FOXO3: variants seen among roughly 807,000 people sequenced by gnomAD.
FOXO3 encodes the protein forkhead box O3.
A neutral mutation model predicts 41.9 loss-of-function variants in FOXO3; 4 were observed. The ratio of observed to expected loss-of-function variants is 0.10; its 90% CI spans 0.05 to 0.22. FOXO3 has a LOEUF of 0.22. Among genes scored for constraint, FOXO3 ranks in the 10% least tolerant of loss-of-function variants. The probability of loss-of-function intolerance (pLI) is 1.00; values close to 1 mark genes in which losing one functional copy is unlikely to be tolerated. For missense variants in FOXO3, 534 were observed against 906.8 expected (o/e 0.59, Z 5.28); for synonymous variants, 318 against 389.3 (o/e 0.82, Z 2.16).
intron 1 of FOXO3, among the ~76,000 whole-genome samples, chr6:108,624,778 AT>A (rs538678670): frequency 5.7e-4 from 87 of 151,890 alleles, no homozygotes; most frequent in African/African-American, 2.0e-3. Flanking sequence ...ATACATATAA[AT>A]TTTTTTTGCA....
At chr6:108,580,362 G>C (rs949542425) in intron 1 of FOXO3, among the ~76,000 whole-genome samples, 3 of 151,798 alleles carry the variant, frequency 2.0e-5, no homozygotes, top group African/African-American at 7.3e-5. Context: ...CTAATTAGTA[G>C]AGGCGGGGTT....
Position 108,663,968 on chromosome 6 carries a change from A to G in FOXO3, c.1135A>G (p.Asn379Asp), listed in dbSNP as rs1207783083. Residue 379 changes from asparagine to aspartate, a missense_variant, in exon 2 of 3, where the codon AAT (asparagine) becomes GAT (aspartate). Asn to Asp is a conservative substitution (Grantham distance 23). Transcript: ENST00000406360. ...TGATATGGCAGGCACCATGAATCTGAATGATGGGCTGACTGAAAACCTCAT... is the reference window on the plus strand; with the variant it reads ...TGATATGGCAGGCACCATGAATCTGGATGATGGGCTGACTGAAAACCTCAT... ...LTDMAGTMNLNDGLTENLMDD... is the reference protein window; with the variant it reads ...LTDMAGTMNLDDGLTENLMDD... The G allele has an allele frequency of 6.2e-7, 1 of 1,614,034 alleles. No homozygotes were observed. Among genetic ancestry groups the G allele is most frequent in the African/African-American group, 1.3e-5 (1 of 74,918 alleles).
chr6:108,630,698 C>T (rs1035643037), intron 1 of FOXO3, among the ~76,000 whole-genome samples: 11 of 152,076 alleles, frequency 7.2e-5, no homozygotes, highest in African/African-American at 2.7e-4. Context: ...TGTCTCAACT[C>T]GTGCATAAGT....
At chr6:108,605,861 T>C (rs1403176519) in intron 1 of FOXO3, among the ~76,000 whole-genome samples, 1 of 152,194 alleles carries the variant, frequency 6.6e-6, no homozygotes, top group African/African-American at 2.4e-5. Context: ...AAAATTAGGT[T>C]GAAGGGAGAA....
At chr6:108,576,919 CAAGAAGGAA>C (rs1348687276) in intron 1 of FOXO3, among the ~76,000 whole-genome samples, 1 of 152,024 alleles carries the variant, frequency 6.6e-6, no homozygotes, top group Non-Finnish European at 1.5e-5. Context: ...CTGTGCTGGC[CAAGAAGGAA>C]GAGAAGAAAA....
intron 1 of FOXO3, among the ~76,000 whole-genome samples, chr6:108,654,828 G>A (rs1778641930): frequency 6.6e-6 from 1 of 151,028 alleles, no homozygotes; most frequent in Non-Finnish European, 1.5e-5. Context: ...CAGGTTGTTT[G>A]TGCAATCTTT....
intron 1 of FOXO3, among the ~76,000 whole-genome samples, chr6:108,576,634 C>G (rs1057264791): frequency 2.6e-5 from 4 of 152,144 alleles, no homozygotes; most frequent in African/African-American, 9.7e-5. Flanking sequence ...TCTAAGTTTT[C>G]TCATCAGCCA....
At chr6:108,600,027 T>C (rs1045724246) in intron 1 of FOXO3, among the ~76,000 whole-genome samples, 4 of 152,122 alleles carry the variant, frequency 2.6e-5, no homozygotes, top group Non-Finnish European at 5.9e-5. Flanking sequence ...TTTTTTTATA[T>C]GTATAAGGAG....
rs946896846 is a variant in FOXO3 at position 108,684,321 on chromosome 6, CTTTT to C, written c.*4533_*4536del. ...GTGCATTTTGGCTTCACATGTTTAA[CTTTT>C]TTTAAGAAAAAAGTTGCATGAATGG... On this transcript the variant is annotated 3_prime_UTR_variant, in exon 3 of 3. Coordinates refer to ENST00000406360, the MANE Select transcript of FOXO3 (RefSeq NM_001455.4). 2.0e-5 allele frequency: 3 copies of C among 152,204 alleles called. No individual in the cohort carries two copies. The highest frequency in any genetic ancestry group is 4.4e-5 in the Non-Finnish European group (3 of 67,994). The allele number at this position is 152,204 out of a possible 1,614,324, so 9.4% of individuals were successfully genotyped here. A position where few individuals can be genotyped will look rare whatever the true frequency, so the allele number is the denominator to read the frequency against.
chr6:108,642,389 C>G (rs898901236), intron 1 of FOXO3, among the ~76,000 whole-genome samples: 4 of 151,982 alleles, frequency 2.6e-5, no homozygotes, highest in African/African-American at 9.7e-5. Context: ...CCATGCCCGT[C>G]CTGAAATTAT....
chr6:108,580,557 G>C (rs559696512), intron 1 of FOXO3, among the ~76,000 whole-genome samples: 4 of 152,328 alleles, frequency 2.6e-5, no homozygotes, highest in African/African-American at 9.6e-5. Context: ...AGGCCACATA[G>C]TTGGTAAGTG....
chr6:108,572,840 C>T (rs754671027), intron 1 of FOXO3, among the ~76,000 whole-genome samples: 4 of 152,014 alleles, frequency 2.6e-5, no homozygotes, highest in Non-Finnish European at 4.4e-5. Context: ...AAATGTAAGC[C>T]TCAGTTTAAA....
chr6:108,658,718 C>G (rs1778761695), intron 1 of FOXO3, among the ~76,000 whole-genome samples: 1 of 152,236 alleles, frequency 6.6e-6, no homozygotes, highest in Admixed American at 6.5e-5. Context: ...GCCACCGTGC[C>G]TGGCCAACAT....
chr6:108,563,257 A>G (rs1277330257), intron 1 of FOXO3, among the ~76,000 whole-genome samples: 1 of 152,254 alleles, frequency 6.6e-6, no homozygotes, highest in Non-Finnish European at 1.5e-5. Context: ...GAGGCTTTGT[A>G]TTAGATACTT....
chr6:108,587,816 C>T (rs536400916), intron 1 of FOXO3, among the ~76,000 whole-genome samples: 2 of 152,234 alleles, frequency 1.3e-5, no homozygotes, highest in South Asian at 4.1e-4. Flanking sequence ...TTTCTTTTGC[C>T]CACCTGTATT....
At chr6:108,584,439 T>TA (rs1189814821) in intron 1 of FOXO3, among the ~76,000 whole-genome samples, 3 of 152,142 alleles carry the variant, frequency 2.0e-5, no homozygotes, top group Non-Finnish European at 2.9e-5. Flanking sequence ...GGAAAAGTGA[T>TA]AAAAAAACAG....
intron 1 of FOXO3, chr6:108,656,350 G>A (rs1778688177): frequency 1.0e-6 from 1 of 985,086 alleles, no homozygotes; most frequent in Non-Finnish European, 1.2e-6. Context: ...CTGGGTGAGT[G>A]GACAGTCTCC....
At chr6:108,604,639 C>A (rs1289953872) in intron 1 of FOXO3, among the ~76,000 whole-genome samples, 2 of 152,122 alleles carry the variant, frequency 1.3e-5, no homozygotes, top group Non-Finnish European at 2.9e-5. Flanking sequence ...ATTTGAACAA[C>A]AACCAGTGAA....
At chr6:108,653,708 GGA>G (rs1388344224) in intron 1 of FOXO3, among the ~76,000 whole-genome samples, 1 of 152,156 alleles carries the variant, frequency 6.6e-6, no homozygotes. Context: ...CCTGAGTTCT[GGA>G]TGCATGTTTC....
Sources: gnomAD v4.1 joint callset for allele counts (sites outside exome capture counted in the v4.1 genomes callset) on GRCh38, gnomAD v4.1.1 for gene constraint, MANE v1.5 for transcripts, NCBI Gene and HGNC (gene_info 2026-07-23, HGNC 2026-07-21) for gene names.